LMBR1: variants seen among roughly 807,000 people sequenced by gnomAD.
The protein encoded by LMBR1 is limb development membrane protein 1.
Under a neutral mutation model 73.9 loss-of-function variants are expected in LMBR1, and 52 were observed. The observed-to-expected ratio is 0.70, with a 90% CI of 0.56 to 0.89. The LOEUF (loss-of-function observed/expected upper bound fraction) is 0.89. Among genes scored for constraint, LMBR1 ranks in the 40% least tolerant of loss-of-function variants. The pLI, the probability that LMBR1 is intolerant of heterozygous loss-of-function variation, is 0.00. For missense variants in LMBR1, 539 were observed against 579.8 expected (o/e 0.93, Z 0.72); for synonymous variants, 215 against 209.4 (o/e 1.03, Z -0.23).
chr7:156,771,985 C>T (rs1825266716), intron 5 of LMBR1, among the ~76,000 whole-genome samples: 1 of 152,008 alleles, frequency 6.6e-6, no homozygotes, highest in Non-Finnish European at 1.5e-5. Context: ...AAACAAAAAC[C>T]ACATGATCAG....
At chr7:156,736,481 T>C (rs1817892418) in intron 9 of LMBR1, 1 of 456,432 alleles carries the variant, frequency 2.2e-6, no homozygotes, top group Non-Finnish European at 4.4e-6. Context: ...GCTCAAAGTG[T>C]CAAACACATA....
chr7:156,692,421 GAAATTATATC>G (rs1469721407), intron 15 of LMBR1, among the ~76,000 whole-genome samples: 3 of 152,166 alleles, frequency 2.0e-5, no homozygotes, highest in Non-Finnish European at 4.4e-5. Context: ...ATATTTTCAT[GAAATTATATC>G]AATTGGAGAT....
At chr7:156,852,262 G>A (rs1295881439) in intron 1 of LMBR1, among the ~76,000 whole-genome samples, 1 of 152,130 alleles carries the variant, frequency 6.6e-6, no homozygotes, top group African/African-American at 2.4e-5. Context: ...AAAGCTAGTA[G>A]TTAAATCCTC....
intron 9 of LMBR1, among the ~76,000 whole-genome samples, chr7:156,751,082 C>T (rs145584484): frequency 6.6e-6 from 1 of 152,208 alleles, no homozygotes; most frequent in African/African-American, 2.4e-5. Flanking sequence ...TGCACTCCAG[C>T]CTGGGTGACA....
intron 5 of LMBR1, among the ~76,000 whole-genome samples, chr7:156,786,088 T>C (rs1182824396): frequency 2.0e-5 from 3 of 149,258 alleles, no homozygotes; most frequent in African/African-American, 5.0e-5. Flanking sequence ...AGGAAAGGTA[T>C]AGATGGGAGG....
intron 15 of LMBR1, among the ~76,000 whole-genome samples, chr7:156,701,214 T>C (rs1387881403): frequency 2.0e-5 from 3 of 152,144 alleles, no homozygotes; most frequent in Non-Finnish European, 1.5e-5. Context: ...AATCTTCCCT[T>C]CCTAGATATG....
intron 15 of LMBR1, among the ~76,000 whole-genome samples, chr7:156,707,684 C>G (rs757070362): frequency 3.9e-5 from 6 of 152,048 alleles, no homozygotes; most frequent in Non-Finnish European, 8.8e-5. Context: ...ATGACGAAAG[C>G]CCTCCACAGA....
chr7:156,732,085 A>G (rs1256908644), intron 10 of LMBR1, among the ~76,000 whole-genome samples: 2 of 152,066 alleles, frequency 1.3e-5, no homozygotes, highest in African/African-American at 4.8e-5. Flanking sequence ...ATAAATGAAC[A>G]TCGTATTTGA....
chr7:156,738,827 T>A lies in LMBR1; in HGVS notation c.758-4570A>T, dbSNP rs368188572. ...CAAAGATCCAGGAGTGACATATAGC[T>A]AGTATGCCATGGGCCTTGCTTGGGA... is the stretch of plus-strand genomic sequence containing the variant. On this transcript the variant is annotated intron_variant, in intron 9 of 16. Transcript: ENST00000353442. 6.6e-5 allele frequency among the ~76,000 whole-genome samples: 10 copies of A among 152,132 alleles called. 1 individual carries two copies. The highest frequency in any genetic ancestry group is 2.4e-4 in the African/African-American group (10 of 41,510).
At chr7:156,688,261 G>C (rs187872436) in intron 15 of LMBR1, 70 bp from the exon 16 acceptor site, 3 of 1,073,894 alleles carry the variant, frequency 2.8e-6, no homozygotes, top group Non-Finnish European at 4.0e-6. Flanking sequence ...TACAAGTAAA[G>C]TACAAGTTAG....
At chr7:156,706,158 TA>T (rs35109142) in intron 15 of LMBR1, among the ~76,000 whole-genome samples, 2,168 of 133,174 alleles carry the variant, frequency 0.016, 20 homozygotes, top group Non-Finnish European at 0.022. Context: ...CAAAAACAGT[TA>T]AAAAAAAAAA....
At chr7:156,695,898 A>G (rs1473641672) in intron 15 of LMBR1, among the ~76,000 whole-genome samples, 1 of 152,090 alleles carries the variant, frequency 6.6e-6, no homozygotes, top group Non-Finnish European at 1.5e-5. Flanking sequence ...CAGAAACAGA[A>G]TCACATTCAC....
intron 1 of LMBR1, among the ~76,000 whole-genome samples, chr7:156,854,280 A>G (rs1230753972): frequency 6.6e-6 from 1 of 152,246 alleles, no homozygotes. Context: ...AAACACTTCA[A>G]CTGTAATTGA....
Position 156,779,444 on chromosome 7 carries a change from C to G in LMBR1, c.424-15649G>C, listed in dbSNP as rs188992894. ...CCAGCATTTTTTGAAATTACAACAA[C>G]CTCAATATTATAAAAGGTTAAATTC... On this transcript the variant is annotated intron_variant, in intron 5 of 16. Transcript: ENST00000353442. 6.1e-3 allele frequency among the ~76,000 whole-genome samples: 935 copies of G among 152,124 alleles called. 9 individuals are homozygous for G. The highest frequency in any genetic ancestry group is 9.6e-3 in the Non-Finnish European group (655 of 67,986).
intron 1 of LMBR1, among the ~76,000 whole-genome samples, chr7:156,839,352 C>T (rs1275329395): frequency 6.6e-6 from 1 of 151,972 alleles, no homozygotes; most frequent in African/African-American, 2.4e-5. Context: ...CCCAGCCGCC[C>T]ATTTTTTAAT....
At chr7:156,884,424 C>A (rs537689187) in intron 1 of LMBR1, among the ~76,000 whole-genome samples, 1 of 152,116 alleles carries the variant, frequency 6.6e-6, no homozygotes, top group African/African-American at 2.4e-5. Context: ...GTCCAAATCA[C>A]AGAAATGACC....
At chr7:156,838,768 T>G (rs1838120297) in intron 1 of LMBR1, among the ~76,000 whole-genome samples, 1 of 152,154 alleles carries the variant, frequency 6.6e-6, no homozygotes, top group Non-Finnish European at 1.5e-5. Flanking sequence ...GGCAGCTCTA[T>G]TTTTAATTTT....
intron 15 of LMBR1, among the ~76,000 whole-genome samples, chr7:156,704,415 CAA>C (rs1810462884): frequency 6.6e-6 from 1 of 152,078 alleles, no homozygotes; most frequent in African/African-American, 2.4e-5. Context: ...CCTACCTGCC[CAA>C]ACACATCATG....
downstream of LMBR1, among the ~76,000 whole-genome samples, chr7:156,675,327 C>G (rs1349235078): frequency 6.6e-6 from 1 of 152,198 alleles, no homozygotes; most frequent in East Asian, 1.9e-4. Flanking sequence ...GACGAGGGTG[C>G]CTCTCACAGG....
Sources: gnomAD v4.1 joint callset for allele counts (sites outside exome capture counted in the v4.1 genomes callset) on GRCh38, gnomAD v4.1.1 for gene constraint, MANE v1.5 for transcripts, NCBI Gene and HGNC (gene_info 2026-07-23, HGNC 2026-07-21) for gene names.